Variants in DYNLL1 observed in about 807,000 individuals in gnomAD.
DYNLL1 encodes dynein light chain LC8-type 1.
Under a neutral mutation model 10.1 loss-of-function variants are expected in DYNLL1, and 3 were observed. The observed-to-expected ratio is 0.30, with a 90% CI of 0.14 to 0.77. The LOEUF is 0.77. DYNLL1 is among the 30% of genes least tolerant of loss of function. DYNLL1 has a pLI of 0.66. For synonymous variants in DYNLL1, 46 were observed against 41.2 expected (o/e 1.12, Z -0.45); for missense variants, 47 against 111.7 (o/e 0.42, Z 2.61).
upstream of DYNLL1, among the ~76,000 whole-genome samples, chr12:120,495,631 A>T (rs2032849208): frequency 7.4e-6 from 1 of 134,640 alleles, no homozygotes; most frequent in African/African-American, 2.8e-5. Flanking sequence ...CAGTAAAGGG[A>T]GAGGCCACCT....
intron 1 of DYNLL1, among the ~76,000 whole-genome samples, chr12:120,474,444 A>T (rs1362623455): frequency 2.2e-3 from 36 of 16,104 alleles, no homozygotes; most frequent in African/African-American, 0.018. Context: ...AAACAACATA[A>T]AAAAAAAAAA....
At chr12:120,495,597 G>A (rs1879245854), upstream of DYNLL1, among the ~76,000 whole-genome samples, 2 of 150,696 alleles carry the variant, frequency 1.3e-5, no homozygotes, top group Non-Finnish European at 3.0e-5. Context: ...CCACGAAGCC[G>A]GCCCTGCTTC....
At chr12:120,493,313 G>A (rs1036195843), upstream of DYNLL1, among the ~76,000 whole-genome samples, 7 of 152,046 alleles carry the variant, frequency 4.6e-5, no homozygotes, top group South Asian at 6.2e-4. Context: ...CAAGGCAGGC[G>A]GATCACTTGA....
At chr12:120,470,300 G>A (rs1177869292) in intron 1 of DYNLL1, among the ~76,000 whole-genome samples, 1 of 152,098 alleles carries the variant, frequency 6.6e-6, no homozygotes, top group African/African-American at 2.4e-5. Context: ...AGAGTCTGAG[G>A]CCACAGAGGG....
At chr12:120,488,430 C>T (rs547661743) in intron 1 of DYNLL1, 1 of 152,276 alleles carries the variant, frequency 6.6e-6, no homozygotes. Context: ...AGCTCTCACA[C>T]CAGCCTATCT....
chr12:120,477,802 AT>A (rs1014591358), intron 1 of DYNLL1, among the ~76,000 whole-genome samples: 1 of 150,072 alleles, frequency 6.7e-6, no homozygotes, highest in African/African-American at 2.4e-5. Flanking sequence ...ATATATATAT[AT>A]TTTTTTTTCT....
intron 1 of DYNLL1, among the ~76,000 whole-genome samples, chr12:120,487,867 T>C (rs1377736983): frequency 6.6e-6 from 1 of 152,118 alleles, no homozygotes; most frequent in African/African-American, 2.4e-5. Flanking sequence ...AAACAATACT[T>C]GAAGTCACTG....
intron 2 of DYNLL1, 81 bp from the exon 3 acceptor site, chr12:120,497,992 C>G (rs1868513242): frequency 7.0e-7 from 1 of 1,424,410 alleles, no homozygotes; most frequent in East Asian, 2.4e-5. Context: ...CTTTCTGCCC[C>G]TACAGGCTCT....
At chr12:120,496,087 C>T (rs1389847920), upstream of DYNLL1, 2 of 405,904 alleles carry the variant, frequency 4.9e-6, no homozygotes, top group Non-Finnish European at 9.1e-6. Context: ...GAGCACTAGG[C>T]GGCGGCGGCT....
intron 1 of DYNLL1, among the ~76,000 whole-genome samples, chr12:120,479,464 A>AAT (rs1878834096): frequency 7.6e-6 from 1 of 131,004 alleles, no homozygotes; most frequent in African/African-American, 2.7e-5. Flanking sequence ...AAAAAAAAAA[A>AAT]AAAAAATAAT....
At chr12:120,488,612 T>C (rs957674162) in intron 1 of DYNLL1, 4 of 152,204 alleles carry the variant, frequency 2.6e-5, no homozygotes, top group African/African-American at 7.2e-5. Context: ...GCTCAACAAA[T>C]GTCTGCTGAA....
intron 1 of DYNLL1, among the ~76,000 whole-genome samples, chr12:120,478,338 C>A (rs189766788): frequency 6.6e-6 from 1 of 150,920 alleles, no homozygotes; most frequent in East Asian, 2.0e-4. Context: ...AACTCCCTAC[C>A]GCAGGTGATC....
intron 1 of DYNLL1, among the ~76,000 whole-genome samples, chr12:120,487,443 C>T (rs1411255542): frequency 2.0e-5 from 3 of 151,246 alleles, no homozygotes; most frequent in Non-Finnish European, 4.4e-5. Flanking sequence ...ACTACAGGCG[C>T]CCACCACCAC....
intron 2 of DYNLL1, chr12:120,496,782 G>C (rs1332180137): frequency 1.6e-6 from 1 of 637,384 alleles, no homozygotes; most frequent in Non-Finnish European, 2.7e-6. Flanking sequence ...TCCGCGGGGG[G>C]AAAGCGCCAC....
chr12:120,477,883 G>A (rs923924114), intron 1 of DYNLL1, among the ~76,000 whole-genome samples: 2 of 151,050 alleles, frequency 1.3e-5, no homozygotes, highest in East Asian at 2.0e-4. Context: ...TGCAGCCTCC[G>A]CCTCCTGGGT....
At chr12:120,495,688 G>T (rs955836909), upstream of DYNLL1, 15 of 144,006 alleles carry the variant, frequency 1.0e-4, no homozygotes, top group African/African-American at 3.5e-4. Context: ...GCGACCTGTC[G>T]TGGTGGGGGG....
At chr12:120,487,606 G>A (rs1027165241) in intron 1 of DYNLL1, among the ~76,000 whole-genome samples, 5 of 152,116 alleles carry the variant, frequency 3.3e-5, no homozygotes, top group Non-Finnish European at 7.3e-5. Flanking sequence ...AAGAAAGACA[G>A]CACTTGACTT....
intron 2 of DYNLL1, 80 bp downstream of exon 2, chr12:120,496,633 T>C: frequency 6.2e-7 from 1 of 1,611,256 alleles, no homozygotes; most frequent in South Asian, 1.1e-5. Flanking sequence ...TAAGGGCGCC[T>C]GACAGGTCCC....
intron 1 of DYNLL1, among the ~76,000 whole-genome samples, chr12:120,477,612 A>G (rs1188023375): frequency 6.6e-6 from 1 of 151,786 alleles, no homozygotes; most frequent in Non-Finnish European, 1.5e-5. Flanking sequence ...ATAAAAATAA[A>G]TAAATAAATA....
Sources: gnomAD v4.1 joint callset for allele counts (sites outside exome capture counted in the v4.1 genomes callset) on GRCh38, gnomAD v4.1.1 for gene constraint, MANE v1.5 for transcripts, NCBI Gene and HGNC (gene_info 2026-07-23, HGNC 2026-07-21) for gene names.